Variants in CDH8 observed in about 807,000 individuals in gnomAD.
CDH8 encodes the protein cadherin 8, also known as cadherin-8.
CDH8 carries 17 observed loss-of-function variants against 68.1 expected under a neutral mutation model. The ratio of observed to expected loss-of-function variants is 0.25; its 90% CI spans 0.17 to 0.37. CDH8 has a LOEUF of 0.37. Ranked by LOEUF, CDH8 falls within the 10% of genes least tolerant of loss-of-function variation. CDH8 has a pLI of 1.00. For missense variants in CDH8, 763 were observed against 999.3 expected, an observed-to-expected ratio of 0.76 and a Z score of 3.19; for synonymous variants, 372 against 365.1, an observed-to-expected ratio of 1.02 and a Z score of -0.21.
At position 61,782,434 on chromosome 16, in the gene CDH8, T is replaced by C. The variant is rs371288650; in HGVS notation, c.1414+6912A>G. ...TATATCCCACACCTGGCTCGGAGGG[T>C]CCTACGCCCACGGAGTCTCGCTGAT... On this transcript the variant is annotated intron_variant, in intron 8 of 11. Coordinates refer to ENST00000577390, the MANE Select transcript of CDH8 (RefSeq NM_001796.5). Among the ~76,000 whole-genome samples, 390 of 150,342 alleles carry C rather than the reference T, an allele frequency of 2.6e-3. 1 individual carries two copies. The highest frequency in any genetic ancestry group is 0.016 in the East Asian group (80 of 5,028).
At position 61,648,074 on chromosome 16, in the gene CDH8, A is replaced by G. The variant is rs1813543436; in HGVS notation, c.*5534T>C. ...GACCTAGATGAAACTTCCACACATA[A>G]AGGAAGGAGGAGAATACATACAAAA... On this transcript the variant is annotated 3_prime_UTR_variant, in exon 12 of 12. Transcript: ENST00000577390. 9.7e-6 allele frequency: 5 copies of G among 514,486 alleles called. No homozygotes were observed. Among genetic ancestry groups the G allele is most frequent in the Non-Finnish European group, 1.7e-5 (5 of 289,384 alleles). The allele number at this position is 514,486 out of a possible 1,614,324, so 31.9% of individuals were successfully genotyped here.
rs1224019646 is a variant in CDH8 at position 61,650,670 on chromosome 16, GTTGT to G, written c.*2934_*2937del. 1.7e-5 allele frequency: 2 copies of G among 115,736 alleles called. No individual in the cohort carries two copies. Among genetic ancestry groups the G allele is most frequent in the Admixed American group, 8.1e-5 (1 of 12,340 alleles). The allele number at this position is 115,736 out of a possible 1,614,324, so 7.2% of individuals were successfully genotyped here. A position where few individuals can be genotyped will look rare whatever the true frequency, so the allele number is the denominator to read the frequency against. On this transcript the variant is annotated 3_prime_UTR_variant, in exon 12 of 12. Transcript: ENST00000577390. ...CAAAATGTGTGTTTTTTATTTGTTTGTTGTGTGTGTGTGTGTGTGTGTGTGTGTG... is the reference window on the plus strand; with the variant it reads ...CAAAATGTGTGTTTTTTATTTGTTTGGTGTGTGTGTGTGTGTGTGTGTGTG...
intron 8 of CDH8, among the ~76,000 whole-genome samples, chr16:61,778,353 C>T (rs900323652): frequency 4.6e-5 from 7 of 152,004 alleles, no homozygotes; most frequent in East Asian, 1.9e-4. Context: ...TTATGAGGGC[C>T]GTTGCTTAGC....
At chr16:61,929,439 AG>A (rs1316099050) in intron 2 of CDH8, among the ~76,000 whole-genome samples, 2 of 152,164 alleles carry the variant, frequency 1.3e-5, no homozygotes, top group African/African-American at 4.8e-5. Context: ...CAACTATCTC[AG>A]AAAGGGTTGG....
intron 4 of CDH8, among the ~76,000 whole-genome samples, chr16:61,832,654 A>G (rs565211929): frequency 6.6e-6 from 1 of 151,724 alleles, no homozygotes; most frequent in Non-Finnish European, 1.5e-5. Context: ...TTAGATGTTC[A>G]CTTTTCTGTA....
chr16:62,007,961 T>C (rs1030795824), intron 2 of CDH8, among the ~76,000 whole-genome samples: 24 of 152,226 alleles, frequency 1.6e-4, no homozygotes, highest in African/African-American at 5.8e-4. Flanking sequence ...TTTATTATTA[T>C]TATTTTTTTG....
chr16:61,672,143 T>C (rs1466894390), intron 10 of CDH8, among the ~76,000 whole-genome samples: 1 of 152,116 alleles, frequency 6.6e-6, no homozygotes, highest in Non-Finnish European at 1.5e-5. Context: ...TAGTTGATAA[T>C]GGATGTGTGG....
intron 2 of CDH8, among the ~76,000 whole-genome samples, chr16:61,919,690 T>G (rs1207531608): frequency 1.3e-4 from 19 of 151,948 alleles, no homozygotes; most frequent in Admixed American, 1.2e-3. Flanking sequence ...TACATCTGAT[T>G]GGTGTACCTG....
chr16:61,800,035 G>T (rs1348075475), intron 7 of CDH8, among the ~76,000 whole-genome samples: 1 of 151,954 alleles, frequency 6.6e-6, no homozygotes, highest in East Asian at 1.9e-4. Flanking sequence ...CAGCCTCCTG[G>T]GTAGCTGAGA....
Position 61,652,876 on chromosome 16 carries a change from G to A in CDH8, c.*732C>T. The A allele has an allele frequency of 6.6e-7, 1 of 1,525,156 alleles. No homozygotes were observed. The highest frequency in any genetic ancestry group is 1.2e-5 in the South Asian group (1 of 81,410). The allele number at this position is 1,525,156 out of a possible 1,614,324, so 94.5% of individuals were successfully genotyped here. ...GTGTCCTTGTGGAAGAAGATGAAGA[G>A]GAGGGAACGAGGAATCCTGCTTCTA... On this transcript the variant is annotated 3_prime_UTR_variant, in exon 12 of 12. Coordinates refer to ENST00000577390, the MANE Select transcript of CDH8 (RefSeq NM_001796.5).
chr16:61,911,250 G>A (rs545733987), intron 2 of CDH8, among the ~76,000 whole-genome samples: 1 of 152,206 alleles, frequency 6.6e-6, no homozygotes, highest in East Asian at 1.9e-4. Context: ...AAGAATATGG[G>A]TGGATGAGTG....
At chr16:61,893,171 C>A (rs1438461018) in intron 3 of CDH8, among the ~76,000 whole-genome samples, 2 of 152,092 alleles carry the variant, frequency 1.3e-5, no homozygotes, top group African/African-American at 4.8e-5. Flanking sequence ...AGCAAAACTC[C>A]AATCTCTGCC....
Position 61,817,479 on chromosome 16 carries a change from C to T in CDH8, c.1277G>A (p.Arg426Lys). The change falls in exon 7 of 12, where the codon AGG (arginine) becomes AAG (lysine). Residue 426 changes from arginine (R) to lysine (K), a missense_variant and splice_region_variant. Arg to Lys is a conservative substitution (Grantham distance 26). Around this residue, in one of 2 missense-constraint regions of CDH8, gnomAD observed 366 missense variants for 563.1 expected, o/e 0.65. Transcript: ENST00000577390. ...RDPDITSSPI[R>K]FSIDRHTDLE... The stretch of plus-strand genomic sequence containing the variant: ...AGTATTCCTTTTAAAATAAAAATAC[C>T]TTATAGGACTGGAAGTGATATCAGG... 6.2e-7 allele frequency: 1 copy of T among 1,613,808 alleles called. No homozygotes were observed. Among genetic ancestry groups the T allele is most frequent in the Non-Finnish European group, 8.5e-7 (1 of 1,179,870 alleles).
intron 2 of CDH8, among the ~76,000 whole-genome samples, chr16:61,967,774 T>C (rs567189829): frequency 2.0e-4 from 31 of 152,318 alleles, no homozygotes; most frequent in Non-Finnish European, 3.1e-4. Flanking sequence ...TCTGTACTTA[T>C]ACGACAGTTG....
chr16:62,029,018 T>A (rs1241283832), intron 1 of CDH8, among the ~76,000 whole-genome samples: 1 of 152,194 alleles, frequency 6.6e-6, no homozygotes, highest in Admixed American at 6.5e-5. Flanking sequence ...ATGAGATAGC[T>A]GTTTAGAGCA....
intron 6 of CDH8, among the ~76,000 whole-genome samples, chr16:61,818,403 A>C (rs549878910): frequency 6.6e-6 from 1 of 152,288 alleles, no homozygotes; most frequent in Non-Finnish European, 1.5e-5. Context: ...GCACCGATAC[A>C]TATGTATGTA....
chr16:61,705,948 T>C (rs748633595), intron 10 of CDH8, among the ~76,000 whole-genome samples: 8 of 152,210 alleles, frequency 5.3e-5, no homozygotes, highest in Non-Finnish European at 1.0e-4. Context: ...GGGCAAAACC[T>C]GTGTCTATTT....
At chr16:61,919,239 A>G (rs2143386162) in intron 2 of CDH8, among the ~76,000 whole-genome samples, 1 of 147,732 alleles carries the variant, frequency 6.8e-6, no homozygotes. Context: ...AAAACTGGAA[A>G]CTCTAAAAAG....
intron 4 of CDH8, among the ~76,000 whole-genome samples, chr16:61,843,920 C>T (rs1299603971): frequency 6.6e-6 from 1 of 152,006 alleles, no homozygotes; most frequent in African/African-American, 2.4e-5. Context: ...TTAATGATTG[C>T]CATTCTAACT....
Sources: gnomAD v4.1 joint callset for allele counts (sites outside exome capture counted in the v4.1 genomes callset) on GRCh38, gnomAD v4.1.1 for gene constraint, gnomAD v4.1.1 regional missense constraint, MANE v1.5 for transcripts, NCBI Gene and HGNC (gene_info 2026-07-23, HGNC 2026-07-21) for gene names.